Variants in SAMD3 observed in about 807,000 individuals in gnomAD.
The protein encoded by SAMD3 is sterile alpha motif domain containing 3.
A neutral mutation model predicts 58.5 loss-of-function variants in SAMD3; 63 were observed. The observed-to-expected ratio is 1.08, with a 90% CI of 0.88 to 1.33. The LOEUF is 1.33. SAMD3 is among the 40% of genes most tolerant of loss of function. The pLI is 0.00. For missense variants in SAMD3, 604 were observed against 608.4 expected, an observed-to-expected ratio of 0.99 and a Z score of 0.08; for synonymous variants, 220 against 210.3, an observed-to-expected ratio of 1.05 and a Z score of -0.40.
chr6:130,330,192 C>T (rs1267201019), intron 1 of SAMD3, among the ~76,000 whole-genome samples: 4 of 152,156 alleles, frequency 2.6e-5, no homozygotes, highest in Middle Eastern at 3.4e-3. Flanking sequence ...CCTGAAAGGT[C>T]GGCAGGCCCA....
chr6:130,253,429 A>G (rs1773812437), intron 2 of SAMD3, among the ~76,000 whole-genome samples: 1 of 152,144 alleles, frequency 6.6e-6, no homozygotes, highest in African/African-American at 2.4e-5. Flanking sequence ...TATTGATATG[A>G]TAATATCTTT....
rs151236033 is a variant in SAMD3 at position 130,184,509 on chromosome 6, C to T, written c.498G>A (p.Pro166=). 5.9e-5 allele frequency: 96 copies of T among 1,614,168 alleles called. No homozygotes were observed. In the African/African-American group the frequency reaches 6.0e-4, roughly 10 times the overall value. Residue 166 remains proline (P), a synonymous_variant, in exon 6 of 12, where the codon CCG becomes CCA. Transcript: ENST00000439090. ...VKCMLAEQKC[P]DHSMRIRIIE... ...TGATCCTTATCCTCATGCTGTGATC[C>T]GGGCACTTCTGCTCTGCTAACATGC... is the stretch of plus-strand genomic sequence containing the variant.
At chr6:130,301,464 C>T (rs11962398) in intron 2 of SAMD3, among the ~76,000 whole-genome samples, 6,777 of 152,220 alleles carry the variant, frequency 0.045, 188 homozygotes, top group South Asian at 0.097. Flanking sequence ...ATCCCATCCC[C>T]ATGAACAAGA....
At chr6:130,349,989 G>T (rs1462209584) in intron 1 of SAMD3, among the ~76,000 whole-genome samples, 8 of 152,178 alleles carry the variant, frequency 5.3e-5, no homozygotes, top group Non-Finnish European at 7.3e-5. Context: ...TATCTCAATA[G>T]ATGCAGAAAA....
intron 1 of SAMD3, among the ~76,000 whole-genome samples, chr6:130,319,134 G>A (rs879703694): frequency 2.6e-5 from 4 of 152,090 alleles, no homozygotes; most frequent in Admixed American, 2.0e-4. Flanking sequence ...AATCAATAAA[G>A]CATCAGTGGG....
intron 2 of SAMD3, among the ~76,000 whole-genome samples, chr6:130,295,658 C>T (rs1371102326): frequency 6.6e-6 from 1 of 152,152 alleles, no homozygotes; most frequent in South Asian, 2.1e-4. Flanking sequence ...ATGGGATTAT[C>T]ATAATTGGCC....
intron 4 of SAMD3, 93 bp from the exon 5 acceptor site, chr6:130,209,701 ACAT>A: frequency 4.1e-6 from 3 of 738,346 alleles, no homozygotes; most frequent in Non-Finnish European, 6.9e-6. Flanking sequence ...CCCAGAGTAA[ACAT>A]CATGGTCTGT....
At chr6:130,187,687 A>G (rs1793133464) in intron 5 of SAMD3, among the ~76,000 whole-genome samples, 1 of 152,232 alleles carries the variant, frequency 6.6e-6, no homozygotes, top group Non-Finnish European at 1.5e-5. Context: ...CTGTGAGGTT[A>G]AGATTATTCA....
chr6:130,144,343 T>C lies in SAMD3; in HGVS notation c.*177A>G. ...AATGAAGTAGAATTTTATTACAGAA[T>C]TTCACAAAGAACTTAATATCTAAGT... On this transcript the variant is annotated 3_prime_UTR_variant, in exon 12 of 12. Transcript: ENST00000439090. 4 of 583,604 alleles carry C rather than the reference T, an allele frequency of 6.9e-6. No individual in the cohort carries two copies. Among genetic ancestry groups the C allele is most frequent in the Non-Finnish European group, 1.1e-5 (4 of 349,398 alleles). 36.2% of individuals were successfully genotyped at this position (583,604 alleles called of 1,614,324 possible). A position where few individuals can be genotyped will look rare whatever the true frequency, so the allele number is the denominator to read the frequency against.
At chr6:130,165,194 A>T (rs559167947) in intron 8 of SAMD3, among the ~76,000 whole-genome samples, 1 of 152,304 alleles carries the variant, frequency 6.6e-6, no homozygotes, top group African/African-American at 2.4e-5. Context: ...TAAAATGAAG[A>T]CCTCTTAGTG....
At chr6:130,250,079 C>G (rs373263271) in intron 2 of SAMD3, among the ~76,000 whole-genome samples, 1 of 152,038 alleles carries the variant, frequency 6.6e-6, no homozygotes, top group African/African-American at 2.4e-5. Flanking sequence ...ACAGGAGCCC[C>G]CAGATAGCTC....
chr6:130,229,720 T>C (rs1386744642), intron 2 of SAMD3, among the ~76,000 whole-genome samples: 3 of 152,200 alleles, frequency 2.0e-5, no homozygotes, highest in African/African-American at 7.2e-5. Context: ...TTTATGTTAT[T>C]TGAGAGCAAG....
rs557211247 is a variant in SAMD3 at position 130,146,046 on chromosome 6, T to G, written c.1159A>C (p.Lys387Gln). ...DNPINIVLQE[K>Q]MKHYTDEDML... Reference sequence around the variant, plus strand: ...TCTTCATCTGTGTAATGTTTCATTTTTTCTTGCAATACAATATTGATTGGA... The same window carrying G: ...TCTTCATCTGTGTAATGTTTCATTTGTTCTTGCAATACAATATTGATTGGA... The change falls in exon 10 of 12, where the codon AAA becomes CAA. Residue 387 changes from lysine to glutamine, a missense_variant. By Grantham distance (53) the Lys-to-Gln change is moderately conservative. Coordinates refer to ENST00000439090, the MANE Select transcript of SAMD3 (RefSeq NM_001017373.4). 3 of 1,574,304 alleles carry G rather than the reference T, an allele frequency of 1.9e-6. No individual in the cohort carries two copies. The highest frequency in any genetic ancestry group is 2.6e-6 in the Non-Finnish European group (3 of 1,163,286).
intron 1 of SAMD3, among the ~76,000 whole-genome samples, chr6:130,331,432 A>G (rs1446752493): frequency 6.6e-6 from 1 of 152,222 alleles, no homozygotes; most frequent in Non-Finnish European, 1.5e-5. Context: ...AAATAAATAC[A>G]TAAAGTTTGG....
At chr6:130,151,940 A>T (rs372759768) in intron 9 of SAMD3, among the ~76,000 whole-genome samples, 31 of 152,228 alleles carry the variant, frequency 2.0e-4, no homozygotes, top group Middle Eastern at 3.2e-3. Flanking sequence ...TGCAACATCC[A>T]GTAGATCCCA....
chr6:130,321,571 T>TC (rs1274239975), intron 1 of SAMD3, among the ~76,000 whole-genome samples: 1 of 152,172 alleles, frequency 6.6e-6, no homozygotes, highest in Non-Finnish European at 1.5e-5. Flanking sequence ...ATGTAAAATA[T>TC]CCCCACTGAC....
intron 5 of SAMD3, among the ~76,000 whole-genome samples, chr6:130,192,827 G>A (rs2114745271): frequency 6.6e-6 from 1 of 152,272 alleles, no homozygotes; most frequent in Non-Finnish European, 1.5e-5. Flanking sequence ...AGACCAACCA[G>A]CCCAAGAAAC....
At chr6:130,356,530 T>G (rs1356266221) in intron 1 of SAMD3, among the ~76,000 whole-genome samples, 1 of 152,256 alleles carries the variant, frequency 6.6e-6, no homozygotes, top group Non-Finnish European at 1.5e-5. Flanking sequence ...ATATTACATA[T>G]GTAATTATTA....
chr6:130,292,324 G>A (rs534049690), intron 2 of SAMD3, among the ~76,000 whole-genome samples: 40 of 140,976 alleles, frequency 2.8e-4, no homozygotes, highest in African/African-American at 1.1e-3. Flanking sequence ...AGGCTGGAGT[G>A]CTGGAGTGCT....
Sources: gnomAD v4.1 joint callset for allele counts (sites outside exome capture counted in the v4.1 genomes callset) on GRCh38, gnomAD v4.1.1 for gene constraint, MANE v1.5 for transcripts, NCBI Gene and HGNC (gene_info 2026-07-23, HGNC 2026-07-21) for gene names.